Variants in CYP4F8 observed in about 807,000 individuals in gnomAD.
CYP4F8 encodes cytochrome P450 family 4 subfamily F member 8.
Under a neutral mutation model 55.0 loss-of-function variants are expected in CYP4F8, and 56 were observed. The ratio of observed to expected loss-of-function variants is 1.02; its 90% CI spans 0.82 to 1.27. CYP4F8 has a LOEUF of 1.27. CYP4F8 is among the 50% of genes most tolerant of loss of function. The pLI is 0.00. For synonymous variants in CYP4F8, 288 were observed against 267.3 expected (o/e 1.08, Z -0.76); for missense variants, 680 against 682.4 (o/e 1.00, Z 0.04).
At chr19:15,615,881 G>GC in intron 2 of CYP4F8, 67 bp downstream of exon 2, 1 of 1,106,736 alleles carries the variant, frequency 9.0e-7, no homozygotes, top group Admixed American at 2.8e-5. Context: ...CAGGCTGAGG[G>GC]GGTGGGCTCG....
chr19:15,618,618 G>A (rs1198170404), intron 3 of CYP4F8: 2 of 313,234 alleles, frequency 6.4e-6, no homozygotes, highest in African/African-American at 2.2e-5. Context: ...GCAGGGTGAT[G>A]CAGTGGGCAT....
In CYP4F8 at chr19:15,630,638, T is replaced by C. The variant is rs1480038580; in HGVS notation, c.*1280T>C. 6.6e-6 allele frequency: 1 copy of C among 152,234 alleles called. No homozygotes were observed. Among genetic ancestry groups the C allele is most frequent in the African/African-American group, 2.4e-5 (1 of 41,450 alleles). 9.4% of individuals were successfully genotyped at this position (152,234 alleles called of 1,614,324 possible). On this transcript the variant is annotated 3_prime_UTR_variant, in exon 13 of 13. Coordinates refer to ENST00000612078, the MANE Select transcript of CYP4F8 (RefSeq NM_007253.4). ...GCTGCGATAAACATGTGGATGCTTG[T>C]GTCTTTTTGGCAGAATGATTTATTT...
chr19:15,629,458 C>G lies in CYP4F8; in HGVS notation c.*100C>G, dbSNP rs2239367. On this transcript the variant is annotated 3_prime_UTR_variant, in exon 13 of 13. Transcript: ENST00000612078. ...TAAATCTGTGTTGGCCCCTGTGCCT[C>G]AGTCCCGCGGATGGCCAGTAGGGGG... 0.74 allele frequency: 1,048,501 copies of G among 1,424,868 alleles called. 386,594 individuals carry two copies. Among genetic ancestry groups the G allele is most frequent in the Admixed American group, 0.77 (26,178 of 33,924 alleles). The allele number at this position is 1,424,868 out of a possible 1,614,324, so 88.3% of individuals were successfully genotyped here.
Position 15,629,413 on chromosome 19 carries a change from C to A in CYP4F8, c.*55C>A. On this transcript the variant is annotated 3_prime_UTR_variant, in exon 13 of 13. Coordinates refer to ENST00000612078, the MANE Select transcript of CYP4F8 (RefSeq NM_007253.4). ...GCATCACCTACCTTTGCACCAACTACCTTTTCAGATTTCCGGTAATAAATC... is the reference window on the plus strand; with the variant it reads ...GCATCACCTACCTTTGCACCAACTAACTTTTCAGATTTCCGGTAATAAATC... 1 of 1,498,528 alleles carries A rather than the reference C, an allele frequency of 6.7e-7. No individual in the cohort carries two copies. The highest frequency in any genetic ancestry group is 1.4e-5 in the African/African-American group (1 of 71,474). The allele number at this position is 1,498,528 out of a possible 1,614,324, so 92.8% of individuals were successfully genotyped here.
rs372453678 is a variant in CYP4F8, at chr19:15,619,679, C to A, written c.442C>A (p.Arg148Ser). Reference protein sequence around the residue: ...LSVGDKWRHHRRLLTPAFHFN... With the variant: ...LSVGDKWRHHSRLLTPAFHFN... Reference sequence around the variant, plus strand: ...TGTTGGTGACAAGTGGAGACACCACCGTCGCTTGCTGACGCCTGCCTTCCA... The same window carrying A: ...TGTTGGTGACAAGTGGAGACACCACAGTCGCTTGCTGACGCCTGCCTTCCA... Residue 148 changes from arginine (R) to serine (S), a missense_variant, in exon 5 of 13, where the codon CGT becomes AGT. Physicochemically the swap from Arg to Ser is moderately radical, Grantham distance 110. Transcript: ENST00000612078. 1 of 1,614,096 alleles carries A rather than the reference C, an allele frequency of 6.2e-7. No homozygotes were observed. The highest frequency in any genetic ancestry group is 8.5e-7 in the Non-Finnish European group (1 of 1,180,044).
intron 1 of CYP4F8, 66 bp from the exon 2 acceptor site, chr19:15,615,550 T>C: frequency 6.5e-7 from 1 of 1,545,554 alleles, no homozygotes; most frequent in Non-Finnish European, 8.7e-7. Context: ...CCATCATTGG[T>C]CCTGGAGCTC....
rs759091538 is a variant in CYP4F8, at chr19:15,618,068, G to A, written c.267G>A (p.Val89=). Residue 89 remains valine, a synonymous_variant, in exon 3 of 13, where the codon GTG becomes GTA. Transcript: ENST00000612078. ...TGGCCACCTACCCCCAGGGCTTTGT[G>A]AGGTGGTTGGGCCCCATCACTCCCA... ...QLVATYPQGF[V]RWLGPITPII... is the part of the protein sequence containing the mutation. 2.5e-6 allele frequency: 4 copies of A among 1,614,106 alleles called. No homozygotes were observed. In the East Asian group the frequency reaches 8.9e-5, roughly 36 times the overall value.
At chr19:15,623,580 G>A in intron 7 of CYP4F8, 119 bp from the exon 8 acceptor site, 1 of 1,289,966 alleles carries the variant, frequency 7.8e-7, no homozygotes, top group Non-Finnish European at 1.1e-6. Flanking sequence ...GGAAGCATGT[G>A]GGGGTAGATC....
At chr19:15,629,109 T>C in intron 12 of CYP4F8, 84 bp from the exon 13 acceptor site, 1 of 1,486,802 alleles carries the variant, frequency 6.7e-7, no homozygotes, top group East Asian at 2.5e-5. Flanking sequence ...TGGGTGGGGT[T>C]GGGGGTTCCG....
chr19:15,619,061 C>A, intron 3 of CYP4F8: 1 of 187,248 alleles, frequency 5.3e-6, no homozygotes, highest in South Asian at 1.1e-4. Context: ...CCCACGCAGT[C>A]TAAGCCATTA....
chr19:15,625,909 G>A (rs991766373), intron 9 of CYP4F8, among the ~76,000 whole-genome samples: 1 of 152,116 alleles, frequency 6.6e-6, no homozygotes, highest in African/African-American at 2.4e-5. Flanking sequence ...TGTTGGGGTG[G>A]ATACATTTTA....
In CYP4F8 at chr19:15,615,691, C is replaced by T. The variant is rs544003248; in HGVS notation, c.75C>T (p.Val25=). ...AASPWLLLLV[V]GASWLLARIL... ...CCCCGTGGCTGCTCCTGCTGGTGGTCGGGGCCTCCTGGCTCCTGGCCCGCA... is the reference window on the plus strand; with the variant it reads ...CCCCGTGGCTGCTCCTGCTGGTGGTTGGGGCCTCCTGGCTCCTGGCCCGCA... Residue 25 remains valine, a synonymous_variant, in exon 2 of 13, where the codon GTC becomes GTT. Coordinates refer to ENST00000612078, the MANE Select transcript of CYP4F8 (RefSeq NM_007253.4). The T allele has an allele frequency of 3.0e-5, 49 of 1,613,872 alleles. No homozygotes were observed. The highest frequency in any genetic ancestry group is 1.3e-4 in the East Asian group (6 of 44,876).
At chr19:15,615,325 C>A in intron 1 of CYP4F8, 45 bp downstream of exon 1, 1 of 287,058 alleles carries the variant, frequency 3.5e-6, no homozygotes, top group Non-Finnish European at 6.5e-6. Flanking sequence ...GGGGCACTGC[C>A]CAAGACTGGG....
chr19:15,617,602 T>A (rs1015837907), intron 2 of CYP4F8, among the ~76,000 whole-genome samples: 1 of 152,076 alleles, frequency 6.6e-6, no homozygotes, highest in Non-Finnish European at 1.5e-5. Flanking sequence ...ATTATAGGAA[T>A]TGACTCATGT....
In CYP4F8 at chr19:15,619,680, G is replaced by A. The variant is rs538333797; in HGVS notation, c.443G>A (p.Arg148His). Residue 148 changes from arginine (R) to histidine (H), a missense_variant, in exon 5 of 13, where the codon CGT (arginine) becomes CAT (histidine). Transcript: ENST00000612078. ...LSVGDKWRHH[R>H]RLLTPAFHFN... is the part of the protein sequence containing the mutation. ...GTTGGTGACAAGTGGAGACACCACC[G>A]TCGCTTGCTGACGCCTGCCTTCCAT... is the stretch of plus-strand genomic sequence containing the variant. 4.8e-5 allele frequency: 77 copies of A among 1,614,194 alleles called. No homozygotes were observed. Among genetic ancestry groups the A allele is most frequent in the South Asian group, 8.8e-5 (8 of 91,086 alleles).
At chr19:15,615,883 G>C in intron 2 of CYP4F8, 69 bp downstream of exon 2, 7 of 1,422,234 alleles carry the variant, frequency 4.9e-6, no homozygotes, top group Non-Finnish European at 6.6e-6. Context: ...GGCTGAGGGG[G>C]TGGGCTCGGG....
intron 5 of CYP4F8, among the ~76,000 whole-genome samples, chr19:15,620,319 G>C (rs544003972): frequency 5.3e-5 from 8 of 152,246 alleles, no homozygotes; most frequent in African/African-American, 1.9e-4. Context: ...GCCTCTAGAT[G>C]ACACCCCAGG....
chr19:15,615,431 C>G, intron 1 of CYP4F8, 151 bp downstream of exon 1: 2 of 634,890 alleles, frequency 3.2e-6, no homozygotes, highest in Non-Finnish European at 5.1e-6. Context: ...GGTTTCTGGT[C>G]TCTAGTTTCC....
rs940927552 is a variant in CYP4F8 at position 15,628,454 on chromosome 19, G to A, written c.1249+19G>A. 6.2e-7 allele frequency: 1 copy of A among 1,613,860 alleles called. No homozygotes were observed. Among genetic ancestry groups the A allele is most frequent in the Non-Finnish European group, 8.5e-7 (1 of 1,179,874 alleles). On this transcript the variant is annotated intron_variant, in intron 10 of 12. Coordinates refer to ENST00000612078, the MANE Select transcript of CYP4F8 (RefSeq NM_007253.4). ...CCCAAAGGTGCCCTCCATGGCAGGG[G>A]AGGAGGGTCCTGGGCAGGGCGGTGG...
Sources: allele counts gnomAD v4.1 joint callset (sites outside exome capture counted in the v4.1 genomes callset), GRCh38; gene constraint gnomAD v4.1.1; transcripts MANE v1.5; gene names NCBI Gene and HGNC (gene_info 2026-07-23, HGNC 2026-07-21).